Variants in C16orf74 observed in about 807,000 individuals in gnomAD.
The protein encoded by C16orf74 is uncharacterized protein C16orf74.
C16orf74 carries 10 observed loss-of-function variants against 6.5 expected under a neutral mutation model. The ratio of observed to expected loss-of-function variants is 1.54; its 90% CI spans 0.95 to 2.61. C16orf74 has a LOEUF of 2.61. C16orf74 is among the 30% of genes most tolerant of loss of function. The pLI is 0.00. For missense variants in C16orf74, 141 were observed against 105.9 expected (o/e 1.33, Z -1.45); for synonymous variants, 60 against 42.5 (o/e 1.41, Z -1.60).
chr16:85,737,923 T>G (rs965395120), intron 1 of C16orf74, among the ~76,000 whole-genome samples: 1 of 151,880 alleles, frequency 6.6e-6, no homozygotes, highest in Non-Finnish European at 1.5e-5. Context: ...TAACGCAAAT[T>G]TGTAAATTTT....
intron 1 of C16orf74, among the ~76,000 whole-genome samples, chr16:85,745,771 C>T (rs1186931144): frequency 6.7e-6 from 1 of 149,314 alleles, no homozygotes; most frequent in Admixed American, 6.6e-5. Flanking sequence ...CAGAATCTCC[C>T]GCTGGCTGGA....
At chr16:85,747,071 C>T (rs1462588756) in intron 1 of C16orf74, among the ~76,000 whole-genome samples, 4 of 152,152 alleles carry the variant, frequency 2.6e-5, no homozygotes, top group African/African-American at 9.7e-5. Context: ...AGGAGGCCCA[C>T]CGAAATCCCC....
intron 1 of C16orf74, among the ~76,000 whole-genome samples, chr16:85,738,526 T>C (rs1218731066): frequency 1.3e-5 from 2 of 151,738 alleles, no homozygotes; most frequent in African/African-American, 4.8e-5. Flanking sequence ...AAATGGGATT[T>C]TGTCATGTTG....
intron 2 of C16orf74, among the ~76,000 whole-genome samples, chr16:85,713,528 C>T (rs2152058110): frequency 6.6e-6 from 1 of 152,326 alleles, no homozygotes; most frequent in African/African-American, 2.4e-5. Context: ...CCACCTTGGC[C>T]TCCCAAAGTG....
At chr16:85,748,122 G>T in intron 1 of C16orf74, among the ~76,000 whole-genome samples, 1 of 66,088 alleles carries the variant, frequency 1.5e-5, no homozygotes, top group Admixed American at 1.6e-4. Context: ...ATATATATGT[G>T]TGTGTGTATA....
Position 85,707,784 on chromosome 16 carries a change from G to T in C16orf74, c.*224C>A, listed in dbSNP as rs1444409824. 3.6e-6 allele frequency: 2 copies of T among 558,568 alleles called. No homozygotes were observed. The highest frequency in any genetic ancestry group is 6.3e-5 in the East Asian group (2 of 31,790). The allele number at this position is 558,568 out of a possible 1,614,324, so 34.6% of individuals were successfully genotyped here. ...GGCCGGAGTCAGCAAGAACCTGGAG[G>T]TGTCAGAGGTCCGGTCCACTCAGCG... On this transcript the variant is annotated 3_prime_UTR_variant, in exon 4 of 4. Transcript: ENST00000284245.
At chr16:85,722,648 C>A (rs2054094458) in intron 2 of C16orf74, among the ~76,000 whole-genome samples, 1 of 152,042 alleles carries the variant, frequency 6.6e-6, no homozygotes, top group Admixed American at 6.5e-5. Flanking sequence ...CAGGACTTTC[C>A]TGGACTCCGA....
intron 3 of C16orf74, 39 bp downstream of exon 3, chr16:85,710,125 A>G: frequency 7.3e-7 from 1 of 1,374,450 alleles, no homozygotes; most frequent in Non-Finnish European, 9.4e-7. Flanking sequence ...CCGGGCCCCC[A>G]CAGCCGACCC....
At chr16:85,718,875 C>A (rs960110418) in intron 2 of C16orf74, among the ~76,000 whole-genome samples, 1 of 152,222 alleles carries the variant, frequency 6.6e-6, no homozygotes, top group Non-Finnish European at 1.5e-5. Context: ...TGGGTGCCAA[C>A]GGCTACTGTT....
At chr16:85,726,127 C>A (rs906541411) in intron 2 of C16orf74, among the ~76,000 whole-genome samples, 5 of 152,152 alleles carry the variant, frequency 3.3e-5, no homozygotes, top group African/African-American at 1.2e-4. Context: ...GAACCCCTCA[C>A]CTTGCCTCAT....
intron 2 of C16orf74, among the ~76,000 whole-genome samples, chr16:85,719,711 G>C (rs947985331): frequency 6.6e-6 from 1 of 152,190 alleles, no homozygotes; most frequent in African/African-American, 2.4e-5. Context: ...CTTTTCAGAA[G>C]GGGTCAATCA....
intron 1 of C16orf74, 51 bp from the exon 2 acceptor site, chr16:85,735,286 TTGGCCACG>T: frequency 7.1e-7 from 1 of 1,413,934 alleles, no homozygotes; most frequent in Non-Finnish European, 9.6e-7. Flanking sequence ...CTTGTTTGTA[TTGGCCACG>T]TGCAGCCGGG....
intron 2 of C16orf74, among the ~76,000 whole-genome samples, chr16:85,716,410 AG>A (rs2054024189): frequency 8.7e-6 from 1 of 114,342 alleles, no homozygotes; most frequent in Admixed American, 9.6e-5. Flanking sequence ...GGAAGGGAGG[AG>A]GGAGAAGAGG....
intron 1 of C16orf74, among the ~76,000 whole-genome samples, chr16:85,741,934 T>G (rs1389946630): frequency 1.3e-5 from 2 of 152,186 alleles, no homozygotes; most frequent in Non-Finnish European, 2.9e-5. Context: ...CCAAACCTCA[T>G]GTTGAAATTT....
intron 1 of C16orf74, among the ~76,000 whole-genome samples, chr16:85,745,033 C>T (rs971932619): frequency 1.1e-4 from 15 of 142,218 alleles, no homozygotes; most frequent in African/African-American, 3.9e-4. Flanking sequence ...CCCAGCTACT[C>T]GGGAGGCTGA....
intron 2 of C16orf74, among the ~76,000 whole-genome samples, chr16:85,713,909 G>A (rs77530920): frequency 0.037 from 5,620 of 152,288 alleles, 148 homozygotes; most frequent in Non-Finnish European, 0.054. Flanking sequence ...CCCTGTGAGC[G>A]TCTTCCCTTT....
rs570073433 is a variant in C16orf74, at chr16:85,731,327, G to A, written c.28+3863C>T. The stretch of plus-strand genomic sequence containing the variant: ...CATTAAACTGAGCATGGGGCCCTGT[G>A]CAGCTGCAGAGGTCACATGCCTGTG... On this transcript the variant is annotated intron_variant, in intron 2 of 3. Transcript: ENST00000284245. Among the ~76,000 whole-genome samples the A allele has an allele frequency of 2.0e-4, 30 of 152,368 alleles. 1 individual carries two copies. In the South Asian group the frequency reaches 3.1e-3, roughly 16 times the overall value.
chr16:85,740,071 G>T (rs577705599), intron 1 of C16orf74, among the ~76,000 whole-genome samples: 1 of 149,982 alleles, frequency 6.7e-6, no homozygotes, highest in Non-Finnish European at 1.5e-5. Context: ...TTAGCCAGGC[G>T]TGGTGGCAGG....
At chr16:85,742,667 G>A (rs78856189) in intron 1 of C16orf74, among the ~76,000 whole-genome samples, 27,237 of 151,934 alleles carry the variant, frequency 0.18, 2,799 homozygotes, top group Middle Eastern at 0.29. Flanking sequence ...TTAGCCTCCC[G>A]AGTAGCTGGG....
Sources: gnomAD v4.1 joint callset for allele counts (sites outside exome capture counted in the v4.1 genomes callset) on GRCh38, gnomAD v4.1.1 for gene constraint, MANE v1.5 for transcripts, NCBI Gene and HGNC (gene_info 2026-07-23, HGNC 2026-07-21) for gene names.